The following CNTN5 variants were observed in gnomAD, a reference collection of about 807,000 sequenced individuals.
CNTN5 encodes contactin-5.
In CNTN5, 77 loss-of-function variants were observed where a neutral mutation model predicts 129.1. The ratio of observed to expected loss-of-function variants is 0.60; its 90% CI spans 0.50 to 0.72. CNTN5 has a LOEUF of 0.72. Ranked by LOEUF, CNTN5 falls within the 30% of genes least tolerant of loss-of-function variation. The pLI, the probability that CNTN5 is intolerant of heterozygous loss-of-function variation, is 0.00. For missense variants in CNTN5, 1,478 were observed against 1,328.8 expected (o/e 1.11, Z -1.75); for synonymous variants, 509 against 465.6 (o/e 1.09, Z -1.20).
At chr11:100,266,440 T>C (rs992583274) in intron 17 of CNTN5, among the ~76,000 whole-genome samples, 1 of 152,138 alleles carries the variant, frequency 6.6e-6, no homozygotes, top group Non-Finnish European at 1.5e-5. Context: ...CTTACTTTGG[T>C]ATAAATCCTC....
Position 99,702,866 on chromosome 11 carries a change from A to G in CNTN5, c.56-116678A>G, listed in dbSNP as rs150720607. Reference sequence around the variant, plus strand: ...GAATCATCTCTCCAGGAAAGAAGAAATACTCTCATTTATTTTTGTTTGTGA... The same window carrying G: ...GAATCATCTCTCCAGGAAAGAAGAAGTACTCTCATTTATTTTTGTTTGTGA... On this transcript the variant is annotated intron_variant, in intron 3 of 24. Transcript: ENST00000524871. Among the ~76,000 whole-genome samples, 104 of 151,134 alleles carry G rather than the reference A, an allele frequency of 6.9e-4. 1 individual carries two copies. The East Asian group carries it at 0.014, about 20-fold the overall frequency.
At chr11:100,116,340 G>A (rs1027434243) in intron 13 of CNTN5, among the ~76,000 whole-genome samples, 5 of 151,878 alleles carry the variant, frequency 3.3e-5, no homozygotes, top group African/African-American at 4.8e-5. Context: ...AAAAGAAGTC[G>A]CCTTCATATT....
intron 2 of CNTN5, among the ~76,000 whole-genome samples, chr11:99,435,405 T>A (rs1210146427): frequency 6.6e-6 from 1 of 152,190 alleles, no homozygotes; most frequent in Non-Finnish European, 1.5e-5. Context: ...TCTTCTGGAA[T>A]TTTTTGGCCT....
intron 2 of CNTN5, among the ~76,000 whole-genome samples, chr11:99,368,368 G>A (rs1939591333): frequency 6.6e-6 from 1 of 151,912 alleles, no homozygotes; most frequent in Non-Finnish European, 1.5e-5. Flanking sequence ...GAGTCCCGGT[G>A]TGGTGGTGCT....
intron 13 of CNTN5, among the ~76,000 whole-genome samples, chr11:100,098,870 C>G (rs1280849371): frequency 3.3e-5 from 5 of 151,970 alleles, no homozygotes; most frequent in Non-Finnish European, 1.5e-5. Flanking sequence ...AGCAGATTAG[C>G]CGGACTTGTT....
chr11:99,969,372 C>A (rs894028680), intron 8 of CNTN5, among the ~76,000 whole-genome samples: 1 of 152,098 alleles, frequency 6.6e-6, no homozygotes, highest in East Asian at 1.9e-4. Flanking sequence ...ACACATCTTT[C>A]TTCATGAAAG....
chr11:99,753,987 C>CAA (rs202219500), intron 3 of CNTN5, among the ~76,000 whole-genome samples: 21 of 125,062 alleles, frequency 1.7e-4, no homozygotes, highest in South Asian at 8.7e-4. Context: ...GGCACCCTGC[C>CAA]AAAAAAAAAA....
At chr11:99,363,252 G>A (rs1399041649) in intron 2 of CNTN5, among the ~76,000 whole-genome samples, 3 of 151,878 alleles carry the variant, frequency 2.0e-5, no homozygotes, top group East Asian at 1.9e-4. Context: ...CTATCCCTAC[G>A]TATTTTATTC....
chr11:100,173,755 C>T (rs1285100989), intron 13 of CNTN5, among the ~76,000 whole-genome samples: 1 of 152,146 alleles, frequency 6.6e-6, no homozygotes, highest in Non-Finnish European at 1.5e-5. Flanking sequence ...AGGCCTGCCT[C>T]AGTCACAGAT....
At chr11:100,002,347 G>C (rs187553562) in intron 9 of CNTN5, among the ~76,000 whole-genome samples, 49 of 151,898 alleles carry the variant, frequency 3.2e-4, no homozygotes, top group African/African-American at 1.1e-3. Context: ...CTATAATTTT[G>C]CTATTTTAAC....
intron 13 of CNTN5, among the ~76,000 whole-genome samples, chr11:100,127,184 C>T (rs188965413): frequency 6.8e-6 from 1 of 147,716 alleles, no homozygotes; most frequent in Non-Finnish European, 1.5e-5. Flanking sequence ...AATCTATCCA[C>T]TCACGTTGGC....
chr11:99,685,464 A>G (rs1353566463), intron 3 of CNTN5, among the ~76,000 whole-genome samples: 2 of 151,982 alleles, frequency 1.3e-5, no homozygotes, highest in East Asian at 1.9e-4. Context: ...AGTAAAAAAT[A>G]TTCCACTGTT....
intron 21 of CNTN5, among the ~76,000 whole-genome samples, chr11:100,330,977 T>C (rs1018192037): frequency 3.9e-5 from 6 of 152,272 alleles, no homozygotes; most frequent in Admixed American, 2.6e-4. Flanking sequence ...CAGTACCTCA[T>C]ATCTCAATAA....
At chr11:99,023,678 A>G (rs1281732565) in intron 1 of CNTN5, among the ~76,000 whole-genome samples, 1 of 152,208 alleles carries the variant, frequency 6.6e-6, no homozygotes, top group Non-Finnish European at 1.5e-5. Flanking sequence ...CCAGAATTTT[A>G]TGAGGCTCAG....
intron 13 of CNTN5, among the ~76,000 whole-genome samples, chr11:100,151,552 G>C (rs964843218): frequency 6.6e-6 from 1 of 152,044 alleles, no homozygotes; most frequent in African/African-American, 2.4e-5. Context: ...TACTCCTAAC[G>C]GGGCAAGCAA....
At chr11:100,054,531 A>T (rs1221431031) in intron 9 of CNTN5, among the ~76,000 whole-genome samples, 2 of 151,728 alleles carry the variant, frequency 1.3e-5, no homozygotes, top group Non-Finnish European at 3.0e-5. Flanking sequence ...AGCGTTTCAG[A>T]TTACCTTTCT....
At position 100,267,746 on chromosome 11, in the gene CNTN5, C is replaced by G. The variant is rs376482464; in HGVS notation, c.2165-3346C>G. On this transcript the variant is annotated intron_variant, in intron 17 of 24. Coordinates refer to ENST00000524871, the MANE Select transcript of CNTN5 (RefSeq NM_014361.4). ...GATCATACAGTACTTGGGTTTTCACCGTCAGAGAAATAAGACGTCGGAGGA... is the reference window on the plus strand; with the variant it reads ...GATCATACAGTACTTGGGTTTTCACGGTCAGAGAAATAAGACGTCGGAGGA... 3.3e-5 allele frequency among the ~76,000 whole-genome samples: 5 copies of G among 152,110 alleles called. No individual in the cohort carries two copies. The South Asian group carries it at 6.2e-4, about 19-fold the overall frequency.
chr11:99,653,519 C>T (rs184785453), intron 3 of CNTN5, among the ~76,000 whole-genome samples: 3 of 152,042 alleles, frequency 2.0e-5, no homozygotes, highest in Admixed American at 6.6e-5. Flanking sequence ...AAGTGTGTAT[C>T]TTGGTGACAA....
chr11:100,114,807 A>G (rs1945785007), intron 13 of CNTN5, among the ~76,000 whole-genome samples: 1 of 152,138 alleles, frequency 6.6e-6, no homozygotes, highest in Non-Finnish European at 1.5e-5. Flanking sequence ...GATAATGAGC[A>G]CTTGCTGTGT....
Sources: allele counts gnomAD v4.1 joint callset (sites outside exome capture counted in the v4.1 genomes callset), GRCh38; gene constraint gnomAD v4.1.1; transcripts MANE v1.5; gene names NCBI Gene and HGNC (gene_info 2026-07-23, HGNC 2026-07-21).